The following PDE3B variants were observed in gnomAD, a reference collection of about 807,000 sequenced individuals.
The protein encoded by PDE3B is cGMP-inhibited 3',5'-cyclic phosphodiesterase 3B.
A neutral mutation model predicts 116.8 loss-of-function variants in PDE3B; 66 were observed. That is an observed-to-expected ratio of 0.56 (90% CI 0.46 to 0.69). PDE3B has a LOEUF of 0.69. PDE3B is among the 30% of genes least tolerant of loss of function. PDE3B has a pLI of 0.00. For missense variants in PDE3B, 1,384 were observed against 1,368.1 expected, an observed-to-expected ratio of 1.01 and a Z score of -0.18; for synonymous variants, 595 against 533.6, an observed-to-expected ratio of 1.12 and a Z score of -1.59.
the PDE3B span, among the ~76,000 whole-genome samples, chr11:14,889,306 GGTATA>G: frequency 6.6e-6 from 1 of 151,982 alleles, no homozygotes; most frequent in Non-Finnish European, 1.5e-5. Flanking sequence ...TCCAAAAAAA[GGTATA>G]GTATTTTAAC....
At chr11:14,745,514 T>C (rs1856888363) in intron 1 of PDE3B, among the ~76,000 whole-genome samples, 1 of 152,156 alleles carries the variant, frequency 6.6e-6, no homozygotes, top group Non-Finnish European at 1.5e-5. Flanking sequence ...AAAAAAACTA[T>C]CAAGAAATAT....
intron 1 of PDE3B, among the ~76,000 whole-genome samples, chr11:14,760,748 G>A (rs1235350916): frequency 6.6e-6 from 1 of 152,082 alleles, no homozygotes; most frequent in Non-Finnish European, 1.5e-5. Flanking sequence ...AGTAACCACT[G>A]TTCTCAGTGT....
chr11:14,676,041 A>G (rs1854523056), intron 1 of PDE3B, among the ~76,000 whole-genome samples: 1 of 152,084 alleles, frequency 6.6e-6, no homozygotes, highest in Non-Finnish European at 1.5e-5. Flanking sequence ...CCTCACTAAC[A>G]TTTGATGTTG....
chr11:14,827,337 A>G (rs1859727967), intron 7 of PDE3B, among the ~76,000 whole-genome samples: 2 of 152,178 alleles, frequency 1.3e-5, no homozygotes, highest in Admixed American at 6.5e-5. Flanking sequence ...GGAAAGAGAA[A>G]GAAATAAAGG....
At chr11:14,877,957 C>T in the PDE3B span, 30 of 671,640 alleles carry the variant, frequency 4.5e-5, no homozygotes, top group Non-Finnish European at 6.0e-5. Flanking sequence ...AAAACAATCA[C>T]GACTAGTGCT....
intron 1 of PDE3B, among the ~76,000 whole-genome samples, chr11:14,741,285 G>A (rs1311859300): frequency 2.0e-5 from 3 of 151,998 alleles, no homozygotes; most frequent in Admixed American, 6.6e-5. Flanking sequence ...CTGGGTGCTC[G>A]TGTATTGGCT....
rs1178166104 is a variant in PDE3B at position 14,644,283 on chromosome 11, C to G, written c.208C>G (p.Arg70Gly). 6.4e-7 allele frequency: 1 copy of G among 1,564,256 alleles called. No homozygotes were observed. The highest frequency in any genetic ancestry group is 8.6e-7 in the Non-Finnish European group (1 of 1,161,750). ...GCCGCCGGCCTCTCCCCAGCAGCCG[C>G]GGCGCTGCTCCCCCTTCTGCCGGGC... is the stretch of plus-strand genomic sequence containing the variant. ...RPPPASPQQP[R>G]RCSPFCRARL... The change falls in exon 1 of 16, where the codon CGG becomes GGG. Residue 70 changes from arginine (R) to glycine (G), a missense_variant. Transcript: ENST00000282096.
intron 14 of PDE3B, among the ~76,000 whole-genome samples, chr11:14,866,532 GT>G (rs1848050879): frequency 6.6e-6 from 1 of 152,082 alleles, no homozygotes; most frequent in South Asian, 2.1e-4. Flanking sequence ...AAACCCAACT[GT>G]TTTTGGAAAA....
chr11:14,802,770 C>T (rs1858814220), intron 4 of PDE3B, among the ~76,000 whole-genome samples: 1 of 152,064 alleles, frequency 6.6e-6, no homozygotes, highest in Non-Finnish European at 1.5e-5. Flanking sequence ...CTGTGGATGC[C>T]CATCCAGGAA....
chr11:14,673,074 A>T (rs1854421774), intron 1 of PDE3B, among the ~76,000 whole-genome samples: 1 of 152,110 alleles, frequency 6.6e-6, no homozygotes, highest in Non-Finnish European at 1.5e-5. Context: ...CCATGAAACA[A>T]GCCACCATTC....
chr11:14,663,717 T>C (rs896701928), intron 1 of PDE3B, among the ~76,000 whole-genome samples: 1 of 152,124 alleles, frequency 6.6e-6, no homozygotes, highest in African/African-American at 2.4e-5. Flanking sequence ...CAAGAAGAGC[T>C]AACTATCCTA....
intron 1 of PDE3B, among the ~76,000 whole-genome samples, chr11:14,736,567 A>G (rs987584930): frequency 7.2e-5 from 11 of 152,238 alleles, no homozygotes; most frequent in Non-Finnish European, 1.3e-4. Flanking sequence ...AAAGAAGATT[A>G]TAGAAAAGTA....
At chr11:14,891,795 G>C in the PDE3B span, 1 of 1,409,246 alleles carries the variant, frequency 7.1e-7, no homozygotes, top group African/African-American at 1.5e-5. Flanking sequence ...CCCCCTGCAA[G>C]GGGGCACGGC....
At chr11:14,847,808 C>T (rs1449018144) in intron 12 of PDE3B, among the ~76,000 whole-genome samples, 18 of 152,132 alleles carry the variant, frequency 1.2e-4, no homozygotes, top group African/African-American at 3.4e-4. Flanking sequence ...ACTCTCTGAA[C>T]AGACCAATAA....
the PDE3B span, among the ~76,000 whole-genome samples, chr11:14,878,618 A>G: frequency 6.6e-6 from 1 of 152,166 alleles, no homozygotes; most frequent in Non-Finnish European, 1.5e-5. Flanking sequence ...GCTCAAGAAC[A>G]GTCCACTTCA....
intron 4 of PDE3B, among the ~76,000 whole-genome samples, chr11:14,793,731 A>G (rs187512345): frequency 6.6e-6 from 1 of 152,290 alleles, no homozygotes; most frequent in East Asian, 1.9e-4. Flanking sequence ...TACACTAAAG[A>G]GACTTGCTTT....
intron 7 of PDE3B, among the ~76,000 whole-genome samples, chr11:14,825,944 T>C (rs1859673659): frequency 6.6e-6 from 1 of 152,034 alleles, no homozygotes; most frequent in Non-Finnish European, 1.5e-5. Context: ...GCAATAAAGA[T>C]AGAAATCAAG....
chr11:14,847,142 C>G (rs1847625141), intron 12 of PDE3B, among the ~76,000 whole-genome samples: 1 of 152,198 alleles, frequency 6.6e-6, no homozygotes, highest in Non-Finnish European at 1.5e-5. Flanking sequence ...CAAACTGTCT[C>G]TCAGACCACA....
chr11:14,663,621 T>C (rs1258367186), intron 1 of PDE3B, among the ~76,000 whole-genome samples: 4 of 152,162 alleles, frequency 2.6e-5, no homozygotes, highest in African/African-American at 9.7e-5. Context: ...GTTGCAATCC[T>C]AGTCTCTGAT....
Sources: gnomAD v4.1 joint callset for allele counts (sites outside exome capture counted in the v4.1 genomes callset) on GRCh38, gnomAD v4.1.1 for gene constraint, MANE v1.5 for transcripts, NCBI Gene and HGNC (gene_info 2026-07-23, HGNC 2026-07-21) for gene names.